Variants in MYRIP observed in about 807,000 individuals in gnomAD.
The protein encoded by MYRIP is myosin VIIA and Rab interacting protein, also known as rab effector MyRIP.
In MYRIP, 49 loss-of-function variants were observed where a neutral mutation model predicts 98.0. That is an observed-to-expected ratio of 0.50 (90% CI 0.40 to 0.63). MYRIP has a LOEUF of 0.63. Ranked by LOEUF, MYRIP falls within the 30% of genes least tolerant of loss-of-function variation. The pLI, the probability that MYRIP is intolerant of heterozygous loss-of-function variation, is 0.00. For missense variants in MYRIP, 1,004 were observed against 1,058.2 expected, an observed-to-expected ratio of 0.95 and a Z score of 0.71; for synonymous variants, 404 against 409.5, an observed-to-expected ratio of 0.99 and a Z score of 0.16.
intron 2 of MYRIP, among the ~76,000 whole-genome samples, chr3:39,928,306 T>C (rs1427092534): frequency 6.6e-6 from 1 of 151,804 alleles, no homozygotes; most frequent in Non-Finnish European, 1.5e-5. Flanking sequence ...GAGGGACTAC[T>C]TCTCAATTTA....
At chr3:40,241,744 A>G (rs1366421315) in intron 12 of MYRIP, among the ~76,000 whole-genome samples, 1 of 152,230 alleles carries the variant, frequency 6.6e-6, no homozygotes, top group East Asian at 1.9e-4. Context: ...ATCAATGACT[A>G]GAGTTTGAAG....
At chr3:39,854,022 CTT>C (rs1338684037) in intron 1 of MYRIP, among the ~76,000 whole-genome samples, 2 of 152,074 alleles carry the variant, frequency 1.3e-5, no homozygotes, top group Non-Finnish European at 2.9e-5. Flanking sequence ...CCTTTCCTCA[CTT>C]TGTTTTTGTT....
At position 39,974,368 on chromosome 3, in the gene MYRIP, G is replaced by A. The variant is rs183574863; in HGVS notation, c.111-69682G>A. 1.4e-3 allele frequency among the ~76,000 whole-genome samples: 218 copies of A among 152,216 alleles called. 1 individual carries two copies. Among genetic ancestry groups the A allele is most frequent in the African/African-American group, 5.0e-3 (208 of 41,536 alleles). On this transcript the variant is annotated intron_variant, in intron 2 of 16. Transcript: ENST00000302541. ...TAAACCAGGAGGAAGTCGAATCTCT[G>A]AATAGACCAATAACAGGCTCTGAAA...
At chr3:39,999,250 A>C (rs1463511305) in intron 2 of MYRIP, among the ~76,000 whole-genome samples, 1 of 152,216 alleles carries the variant, frequency 6.6e-6, no homozygotes, top group Non-Finnish European at 1.5e-5. Context: ...CCACCTACAG[A>C]ATGGGAGAAC....
At chr3:40,000,716 GA>G (rs1368025411) in intron 2 of MYRIP, among the ~76,000 whole-genome samples, 3 of 152,088 alleles carry the variant, frequency 2.0e-5, no homozygotes, top group Admixed American at 6.5e-5. Flanking sequence ...GAAAACTGAT[GA>G]GACTGACATA....
At chr3:40,037,323 A>T (rs1947405303) in intron 2 of MYRIP, among the ~76,000 whole-genome samples, 1 of 152,044 alleles carries the variant, frequency 6.6e-6, no homozygotes, top group Admixed American at 6.6e-5. Flanking sequence ...AAGTAAAGGG[A>T]CTTCCTTGTG....
At chr3:40,196,092 T>C (rs535306863) in intron 10 of MYRIP, among the ~76,000 whole-genome samples, 15 of 152,044 alleles carry the variant, frequency 9.9e-5, no homozygotes, top group African/African-American at 1.7e-4. Context: ...TAGATTTTTT[T>C]TCTCTCTCTT....
intron 2 of MYRIP, among the ~76,000 whole-genome samples, chr3:39,917,143 T>C (rs1229146387): frequency 1.3e-5 from 2 of 152,088 alleles, no homozygotes; most frequent in Non-Finnish European, 2.9e-5. Context: ...TCTTCACTTA[T>C]ACAACATTCA....
At chr3:40,124,886 G>A (rs1201339039) in intron 3 of MYRIP, among the ~76,000 whole-genome samples, 1 of 152,172 alleles carries the variant, frequency 6.6e-6, no homozygotes, top group Non-Finnish European at 1.5e-5. Context: ...CCTTTGCCTG[G>A]CTCAGTTCCT....
chr3:39,888,619 G>A (rs1188975791), intron 1 of MYRIP, among the ~76,000 whole-genome samples: 1 of 152,202 alleles, frequency 6.6e-6, no homozygotes, highest in African/African-American at 2.4e-5. Context: ...ATACGCATGA[G>A]CAAGGACTTC....
intron 4 of MYRIP, among the ~76,000 whole-genome samples, chr3:40,160,931 C>T (rs1021028567): frequency 6.6e-6 from 1 of 152,178 alleles, no homozygotes; most frequent in Non-Finnish European, 1.5e-5. Context: ...GAACCTGGTA[C>T]CTCAGATGGA....
intron 1 of MYRIP, among the ~76,000 whole-genome samples, chr3:39,885,268 T>C (rs771252647): frequency 2.0e-5 from 3 of 152,174 alleles, no homozygotes; most frequent in South Asian, 4.2e-4. Flanking sequence ...AATTTTTATA[T>C]TGGGGGAAAT....
At chr3:40,144,663 A>G (rs1356621851) in intron 3 of MYRIP, among the ~76,000 whole-genome samples, 1 of 152,220 alleles carries the variant, frequency 6.6e-6, no homozygotes, top group Non-Finnish European at 1.5e-5. Context: ...ATAAATCATA[A>G]GCCCAGAGGG....
chr3:39,877,509 G>T (rs1047944114), intron 1 of MYRIP, among the ~76,000 whole-genome samples: 6 of 152,176 alleles, frequency 3.9e-5, no homozygotes, highest in Non-Finnish European at 8.8e-5. Flanking sequence ...GTGATGTGCA[G>T]ATGGGTTTTT....
chr3:39,898,436 G>T (rs1204271658), intron 1 of MYRIP, among the ~76,000 whole-genome samples: 1 of 152,072 alleles, frequency 6.6e-6, no homozygotes, highest in Non-Finnish European at 1.5e-5. Context: ...GAAATGAAAA[G>T]GGCAGATAAC....
chr3:39,833,301 G>A (rs1941510265), intron 1 of MYRIP, among the ~76,000 whole-genome samples: 1 of 152,084 alleles, frequency 6.6e-6, no homozygotes, highest in African/African-American at 2.4e-5. Context: ...ATTTTTTTGG[G>A]TTGGGGGGTT....
chr3:40,083,554 C>T (rs1224683104), intron 3 of MYRIP, among the ~76,000 whole-genome samples: 1 of 152,118 alleles, frequency 6.6e-6, no homozygotes, highest in Non-Finnish European at 1.5e-5. Context: ...GCCTTTTGGA[C>T]TCCCTAGATA....
At chr3:40,158,428 T>C (rs1950294628) in intron 4 of MYRIP, among the ~76,000 whole-genome samples, 1 of 152,174 alleles carries the variant, frequency 6.6e-6, no homozygotes, top group African/African-American at 2.4e-5. Flanking sequence ...ATGTGGTCAA[T>C]TTTGGAATAG....
In MYRIP at chr3:40,233,916, G is replaced by T. The variant is rs750513218; in HGVS notation, c.1963G>T (p.Ala655Ser). 1.9e-6 allele frequency: 3 copies of T among 1,613,580 alleles called. No homozygotes were observed. The South Asian group carries it at 3.3e-5, about 18-fold the overall frequency. The change falls in exon 12 of 17, where the codon GCC becomes TCC. Residue 655 changes from alanine to serine, a missense_variant. Ala to Ser is a moderately conservative substitution (Grantham distance 99). This residue lies in a region of MYRIP where 880 missense variants were observed against 907.7 expected (regional missense o/e 0.97). Transcript: ENST00000302541. Reference sequence around the variant, plus strand: ...CACAGAAGTCCTGAAAGTCATCAATGCCACAGAGGAGTTGATAGCAGGATC... The same window carrying T: ...CACAGAAGTCCTGAAAGTCATCAATTCCACAGAGGAGTTGATAGCAGGATC... ...ISTEVLKVIN[A>S]TEELIAGSTG...
Sources: allele counts gnomAD v4.1 joint callset (sites outside exome capture counted in the v4.1 genomes callset), GRCh38; gene constraint gnomAD v4.1.1; regional missense constraint gnomAD v4.1.1; transcripts MANE v1.5; gene names NCBI Gene and HGNC (gene_info 2026-07-23, HGNC 2026-07-21).